The following GTSF1 variants were observed in gnomAD, a reference collection of about 807,000 sequenced individuals.
GTSF1 encodes the protein gametocyte-specific factor 1.
In GTSF1, 11 loss-of-function variants were observed where a neutral mutation model predicts 28.9. The observed-to-expected ratio is 0.38, with a 90% CI of 0.24 to 0.63. The LOEUF is 0.63. Among genes scored for constraint, GTSF1 ranks in the 30% least tolerant of loss-of-function variants. GTSF1 has a pLI of 0.56. For missense variants in GTSF1, 146 were observed against 201.0 expected, an observed-to-expected ratio of 0.73 and a Z score of 1.66; for synonymous variants, 69 against 65.6, an observed-to-expected ratio of 1.05 and a Z score of -0.25.
At chr12:54,462,791 A>G in intron 4 of GTSF1, 66 bp from the exon 5 acceptor site, 1 of 1,314,106 alleles carries the variant, frequency 7.6e-7, no homozygotes, top group Non-Finnish European at 1.1e-6. Flanking sequence ...CAAAGGGGCT[A>G]GTAGCTTAAA....
chr12:54,463,747 C>T (rs2120759640), intron 3 of GTSF1, among the ~76,000 whole-genome samples: 1 of 152,198 alleles, frequency 6.6e-6, no homozygotes, highest in South Asian at 2.1e-4. Flanking sequence ...TATTGCAATA[C>T]AATAGTGCTG....
chr12:54,469,738 G>T (rs1258221033), intron 2 of GTSF1, among the ~76,000 whole-genome samples: 2 of 150,486 alleles, frequency 1.3e-5, no homozygotes, highest in Non-Finnish European at 3.0e-5. Context: ...ACCCAGCCTG[G>T]GGTGCAGTGG....
At position 54,462,115 on chromosome 12, in the gene GTSF1, T is replaced by C; in HGVS notation, c.386A>G (p.Asn129Ser). The C allele has an allele frequency of 6.2e-7, 1 of 1,612,320 alleles. No homozygotes were observed. Among genetic ancestry groups the C allele is most frequent in the Non-Finnish European group, 8.5e-7 (1 of 1,178,394 alleles). The change falls in exon 6 of 9, where the codon AAC (asparagine) becomes AGC (serine). Residue 129 changes from asparagine to serine, a missense_variant. Transcript: ENST00000305879. ...ATAAGACTATTTCATTTACCTGTTG[T>C]TGTCAGAGTAGTGAGTTGTGCCCCA... ...FVWGTTHYSD[N>S]NSPASNIVTE... is the part of the protein sequence containing the mutation.
At chr12:54,468,772 G>C (rs569800865) in intron 2 of GTSF1, 10 of 152,274 alleles carry the variant, frequency 6.6e-5, no homozygotes, top group African/African-American at 2.2e-4. Context: ...TGGAAATCCA[G>C]GTCAATTTGG....
At chr12:54,466,340 A>G (rs1956512043) in intron 2 of GTSF1, among the ~76,000 whole-genome samples, 1 of 152,236 alleles carries the variant, frequency 6.6e-6, no homozygotes, top group East Asian at 1.9e-4. Flanking sequence ...GAAAATCAGA[A>G]GCCAGTGGGG....
intron 2 of GTSF1, among the ~76,000 whole-genome samples, chr12:54,470,425 C>T (rs903683638): frequency 5.3e-5 from 8 of 152,156 alleles, no homozygotes; most frequent in African/African-American, 1.9e-4. Context: ...AAGATTATTT[C>T]TATGTAGTTT....
chr12:54,457,049 C>T (rs1227777764), intron 8 of GTSF1, among the ~76,000 whole-genome samples: 2 of 152,200 alleles, frequency 1.3e-5, no homozygotes, highest in Non-Finnish European at 2.9e-5. Context: ...TGCGCCACTG[C>T]ACTCCAGCCT....
At chr12:54,456,855 C>T (rs768499315) in intron 8 of GTSF1, among the ~76,000 whole-genome samples, 8 of 152,020 alleles carry the variant, frequency 5.3e-5, no homozygotes, top group Admixed American at 1.3e-4. Flanking sequence ...GAGGCCAAGG[C>T]GGGTGGAACA....
intron 7 of GTSF1, among the ~76,000 whole-genome samples, 168 bp downstream of exon 7, chr12:54,460,209 C>A (rs1956401108): frequency 6.6e-6 from 1 of 152,166 alleles, no homozygotes; most frequent in Admixed American, 6.5e-5. Flanking sequence ...TAACCACGGT[C>A]AGTAGGGTGA....
intron 8 of GTSF1, among the ~76,000 whole-genome samples, chr12:54,458,529 G>A (rs756598193): frequency 3.0e-4 from 46 of 151,702 alleles, no homozygotes; most frequent in Non-Finnish European, 5.9e-4. Context: ...GCACCACCAC[G>A]CCCGGCTAAT....
At chr12:54,471,371 C>T (rs1342778838) in intron 1 of GTSF1, 94 bp from the exon 2 acceptor site, 2 of 706,410 alleles carry the variant, frequency 2.8e-6, no homozygotes, top group African/African-American at 3.7e-5. Context: ...TTTGAAACTA[C>T]CCAAGTTCAA....
In GTSF1 at chr12:54,463,307, C is replaced by G; in HGVS notation, c.118-10G>C. On this transcript the variant is annotated splice_polypyrimidine_tract_variant and intron_variant, in intron 3 of 8. Transcript: ENST00000305879. Reference sequence around the variant, plus strand: ...CAACATCAGGATGATTCTGTGGAACCAAAATTAAGGGATCTGTCAGTTCTC... The same window carrying G: ...CAACATCAGGATGATTCTGTGGAACGAAAATTAAGGGATCTGTCAGTTCTC... The G allele has an allele frequency of 1.2e-6, 2 of 1,613,308 alleles. No individual in the cohort carries two copies. Among genetic ancestry groups the G allele is most frequent in the Non-Finnish European group, 8.5e-7 (1 of 1,179,550 alleles).
At chr12:54,457,463 T>G (rs958975411) in intron 8 of GTSF1, among the ~76,000 whole-genome samples, 4 of 152,210 alleles carry the variant, frequency 2.6e-5, no homozygotes, top group African/African-American at 9.6e-5. Flanking sequence ...CCCCTTTTTT[T>G]AGAGACAGGT....
At chr12:54,464,011 T>C (rs1360772870) in intron 3 of GTSF1, among the ~76,000 whole-genome samples, 7 of 152,210 alleles carry the variant, frequency 4.6e-5, no homozygotes, top group Non-Finnish European at 8.8e-5. Flanking sequence ...TTAAGAAATT[T>C]ATTAGGAAAA....
intron 2 of GTSF1, among the ~76,000 whole-genome samples, chr12:54,470,129 T>C (rs1362819690): frequency 3.3e-5 from 5 of 152,118 alleles, no homozygotes; most frequent in East Asian, 3.9e-4. Context: ...TGAGCCGAGA[T>C]TGTGCCACTG....
chr12:54,465,477 T>C (rs150334973), intron 2 of GTSF1, among the ~76,000 whole-genome samples: 1 of 152,236 alleles, frequency 6.6e-6, no homozygotes, highest in African/African-American at 2.4e-5. Flanking sequence ...TTTCCTTTTC[T>C]AAAAGTGCTA....
At chr12:54,459,014 G>T in intron 8 of GTSF1, 75 bp downstream of exon 8, 1 of 996,994 alleles carries the variant, frequency 1.0e-6, no homozygotes, top group South Asian at 1.5e-5. Context: ...AAGAAAATTG[G>T]ACCCAAATTG....
rs533984198 is a variant in GTSF1 at position 54,462,692 on chromosome 12, A to G, written c.278T>C (p.Leu93Pro). The G allele has an allele frequency of 8.1e-6, 13 of 1,614,120 alleles. 1 individual carries two copies. In the South Asian group the frequency reaches 1.4e-4, roughly 18 times the overall value. ...NQTRSLRQET[L>P]AESTWQCPPC... is the part of the protein sequence containing the mutation. ...AGGGCACTGCCAAGTGCTCTCAGCC[A>G]GAGTCTCTTGTCTAAGGCTCCTGGT... The change falls in exon 5 of 9, where the codon CTG (leucine) becomes CCG (proline). Residue 93 changes from leucine to proline, a missense_variant. Leu to Pro is a moderately conservative substitution (Grantham distance 98). Coordinates refer to ENST00000305879, the MANE Select transcript of GTSF1 (RefSeq NM_144594.3).
At chr12:54,463,383 C>G in intron 3 of GTSF1, 86 bp from the exon 4 acceptor site, 1 of 1,306,034 alleles carries the variant, frequency 7.7e-7, no homozygotes, top group Non-Finnish European at 1.1e-6. Flanking sequence ...CTACAAATGC[C>G]TCCCCTAAAA....
Sources: allele counts gnomAD v4.1 joint callset (sites outside exome capture counted in the v4.1 genomes callset), GRCh38; gene constraint gnomAD v4.1.1; transcripts MANE v1.5; gene names NCBI Gene and HGNC (gene_info 2026-07-23, HGNC 2026-07-21).